The following KCNK16 variants were observed in gnomAD, a reference collection of about 807,000 sequenced individuals.
The protein encoded by KCNK16 is potassium two pore domain channel subfamily K member 16, also known as potassium channel subfamily K member 16.
A neutral mutation model predicts 23.0 loss-of-function variants in KCNK16; 23 were observed. That is an observed-to-expected ratio of 1.00 (90% CI 0.72 to 1.41). The LOEUF (loss-of-function observed/expected upper bound fraction) is 1.41. KCNK16 is among the 40% of genes most tolerant of loss of function. The pLI is 0.00. For synonymous variants in KCNK16, 145 were observed against 153.5 expected, an observed-to-expected ratio of 0.94 and a Z score of 0.41; for missense variants, 327 against 365.8, an observed-to-expected ratio of 0.89 and a Z score of 0.87.
chr6:39,315,408 G>T (rs1009621584), downstream of KCNK16: 8 of 1,551,002 alleles, frequency 5.2e-6, no homozygotes, highest in Non-Finnish European at 7.0e-6. Flanking sequence ...AGCCCAGAGG[G>T]AGTGATGAAG....
downstream of KCNK16, chr6:39,314,659 TGAAC>T (rs1236213423): frequency 2.5e-6 from 1 of 406,292 alleles, no homozygotes; most frequent in Non-Finnish European, 4.4e-6. Flanking sequence ...TTTCCTGAAA[TGAAC>T]AATGGGAGGG....
At chr6:39,315,256 T>C (rs1762264256), downstream of KCNK16, 1 of 1,603,986 alleles carries the variant, frequency 6.2e-7, no homozygotes, top group Non-Finnish European at 8.5e-7. Flanking sequence ...TGTTGCAGTC[T>C]GGCAGGGGAA....
intron 2 of KCNK16, among the ~76,000 whole-genome samples, chr6:39,318,691 G>A (rs755344252): frequency 2.6e-5 from 4 of 152,098 alleles, no homozygotes; most frequent in Admixed American, 1.3e-4. Flanking sequence ...TAATATACTC[G>A]GGACCAGCTC....
downstream of KCNK16, among the ~76,000 whole-genome samples, chr6:39,315,684 A>G (rs1213202867): frequency 6.6e-6 from 1 of 152,072 alleles, no homozygotes. Context: ...GGCTCTCATC[A>G]ACCCTGGGGC....
rs765851663 is a variant in KCNK16, at chr6:39,317,843, C to A, written c.438G>T (p.Gly146=). The change falls in exon 3 of 5, where the codon GGG becomes GGT. Residue 146 remains glycine, a synonymous_variant. Transcript: ENST00000437525. The stretch of plus-strand genomic sequence containing the variant: ...CAATGGCGGCCAGATGGGCACGCAG[C>A]CCTGTGCCCAGGTGGTTGAGGAAGA... ...NVIFLNHLGT[G]LRAHLAAIER... The A allele has an allele frequency of 6.2e-7, 1 of 1,612,930 alleles. No homozygotes were observed. Among genetic ancestry groups the A allele is most frequent in the South Asian group, 1.1e-5 (1 of 90,782 alleles).
chr6:39,314,764 A>G (rs1411073673), downstream of KCNK16: 4 of 502,138 alleles, frequency 8.0e-6, no homozygotes, highest in Admixed American at 7.4e-5. Flanking sequence ...CTCGGGGGCT[A>G]TCTCCAAGGA....
In KCNK16 at chr6:39,316,954, G is replaced by A. The variant is rs1762342482; in HGVS notation, c.496-7C>T. ...GGCCCAGGACTTGCAGTACCTAGGA[G>A]GGAGGGAGTTGGCCTCTGAGTCCAC... On this transcript the variant is annotated splice_polypyrimidine_tract_variant and splice_region_variant and intron_variant, in intron 3 of 4. Transcript: ENST00000437525. 11 of 1,607,028 alleles carry A rather than the reference G, an allele frequency of 6.8e-6. No individual in the cohort carries two copies. Among genetic ancestry groups the A allele is most frequent in the Non-Finnish European group, 9.3e-6 (11 of 1,177,400 alleles).
chr6:39,319,746 AGTGTGTGTGT>A lies in KCNK16; in HGVS notation c.214-623_214-614del, dbSNP rs146841804. ...GGCCAAGACAAAGGTGGCACGTGTG[AGTGTGTGTGT>A]GTGTGTGTGTGTGTGTGTGGTGGTT... is the stretch of plus-strand genomic sequence containing the variant. On this transcript the variant is annotated intron_variant, in intron 1 of 4. Coordinates refer to ENST00000437525, the MANE Select transcript of KCNK16 (RefSeq NM_001135106.2). This position sits in a 1 kb window ranked among gnomAD's most constrained non-coding sequence, Gnocchi z 4.2. 1.1e-4 allele frequency among the ~76,000 whole-genome samples: 16 copies of A among 148,276 alleles called. No individual in the cohort carries two copies. Among genetic ancestry groups the A allele is most frequent in the South Asian group, 2.2e-4 (1 of 4,574 alleles).
At position 39,317,803 on chromosome 6, in the gene KCNK16, G is replaced by A. The variant is rs746438375; in HGVS notation, c.478C>T (p.Arg160Cys). 38 of 1,604,938 alleles carry A rather than the reference G, an allele frequency of 2.4e-5. No homozygotes were observed. Among genetic ancestry groups the A allele is most frequent in the South Asian group, 9.0e-5 (8 of 89,324 alleles). Reference protein sequence around the residue: ...HLAAIERWEDRPRRSQVLQVL... With the variant: ...HLAAIERWEDCPRRSQVLQVL... Reference sequence around the variant, plus strand: ...GGGCATACCTGGGAGCGCCTGGGACGGTCCTCCCATCTTTCAATGGCGGCC... The same window carrying A: ...GGGCATACCTGGGAGCGCCTGGGACAGTCCTCCCATCTTTCAATGGCGGCC... The change falls in exon 3 of 5, where the codon CGT becomes TGT. Residue 160 changes from arginine (R) to cysteine (C), a missense_variant. Physicochemically the swap from Arg to Cys is radical, Grantham distance 180. Coordinates refer to ENST00000437525, the MANE Select transcript of KCNK16 (RefSeq NM_001135106.2).
downstream of KCNK16, chr6:39,316,116 A>G: frequency 7.1e-7 from 1 of 1,413,572 alleles, no homozygotes; most frequent in Non-Finnish European, 9.2e-7. Context: ...CTGGCTGAGA[A>G]GTGAGGGGGT....
intron 1 of KCNK16, among the ~76,000 whole-genome samples, chr6:39,321,234 T>C (rs1762506313): frequency 6.6e-6 from 1 of 152,166 alleles, no homozygotes; most frequent in South Asian, 2.1e-4. Context: ...GTCCCGGGAC[T>C]ACACTTTGAG....
intron 1 of KCNK16, among the ~76,000 whole-genome samples, chr6:39,320,422 C>T (rs753099285): frequency 3.9e-5 from 6 of 152,166 alleles, no homozygotes; most frequent in Non-Finnish European, 7.4e-5. Flanking sequence ...TGCTGAGTGC[C>T]GGTGGGCGGA....
Position 39,317,842 on chromosome 6 carries a change from G to A in KCNK16, c.439C>T (p.Leu147=), listed in dbSNP as rs756083305. ...VIFLNHLGTG[L]RAHLAAIERW... ...TCAATGGCGGCCAGATGGGCACGCAGCCCTGTGCCCAGGTGGTTGAGGAAG... is the reference window on the plus strand; with the variant it reads ...TCAATGGCGGCCAGATGGGCACGCAACCCTGTGCCCAGGTGGTTGAGGAAG... The change falls in exon 3 of 5, where the codon CTG becomes TTG. Residue 147 remains leucine, a synonymous_variant. Transcript: ENST00000437525. The A allele has an allele frequency of 1.9e-5, 31 of 1,612,860 alleles. No homozygotes were observed. The highest frequency in any genetic ancestry group is 2.4e-5 in the Non-Finnish European group (28 of 1,179,584).
chr6:39,316,526 G>C, intron 4 of KCNK16, 84 bp from the exon 5 acceptor site: 1 of 1,461,980 alleles, frequency 6.8e-7, no homozygotes, highest in Non-Finnish European at 9.2e-7. Context: ...CACCAGCCAG[G>C]ATGCTCTCTC....
At chr6:39,316,711 T>C in intron 4 of KCNK16, 71 bp downstream of exon 4, 1 of 1,532,266 alleles carries the variant, frequency 6.5e-7, no homozygotes, top group South Asian at 1.2e-5. Context: ...TGTCCTCAGC[T>C]GACATCTCTC....
chr6:39,318,971 A>C (rs1355093515), intron 2 of KCNK16, 48 bp downstream of exon 2: 2 of 1,351,062 alleles, frequency 1.5e-6, no homozygotes, highest in Admixed American at 1.7e-5. Flanking sequence ...GGGAGCCCAA[A>C]CTAAGACAGG....
At chr6:39,322,779 T>C (rs1409611763), upstream of KCNK16, 2 of 557,208 alleles carry the variant, frequency 3.6e-6, no homozygotes, top group Non-Finnish European at 6.2e-6. Context: ...TTTGTTTCCA[T>C]GGACAGCAGC....
At chr6:39,315,373 T>G, downstream of KCNK16, 1 of 1,551,498 alleles carries the variant, frequency 6.4e-7, no homozygotes. Flanking sequence ...CATGGGGTGT[T>G]TGGAAAGGCT....
downstream of KCNK16, chr6:39,314,873 C>A: frequency 2.1e-6 from 2 of 930,516 alleles, no homozygotes; most frequent in Non-Finnish European, 3.3e-6. Flanking sequence ...GCCACTTGTC[C>A]ATGAGCTTGG....
Sources: gnomAD v4.1 joint callset for allele counts (sites outside exome capture counted in the v4.1 genomes callset) on GRCh38, gnomAD v4.1.1 for gene constraint, Gnocchi (gnomAD v3.1) non-coding constraint, MANE v1.5 for transcripts, NCBI Gene and HGNC (gene_info 2026-07-23, HGNC 2026-07-21) for gene names.